Variants in SBF2 observed in about 807,000 individuals in gnomAD.
SBF2 encodes the protein SET binding factor 2, also known as myotubularin-related protein 13.
In SBF2, 112 loss-of-function variants were observed where a neutral mutation model predicts 225.2. The ratio of observed to expected loss-of-function variants is 0.50; its 90% CI spans 0.43 to 0.58. SBF2 has a LOEUF of 0.58. Ranked by LOEUF, SBF2 falls within the 20% of genes least tolerant of loss-of-function variation. The pLI, the probability that SBF2 is intolerant of heterozygous loss-of-function variation, is 0.00. For missense variants in SBF2, 1,996 were observed against 2,206.2 expected (o/e 0.90, Z 1.91); for synonymous variants, 763 against 773.3 (o/e 0.99, Z 0.22).
At chr11:10,220,941 C>T (rs1003071480) in intron 1 of SBF2, among the ~76,000 whole-genome samples, 19 of 152,266 alleles carry the variant, frequency 1.2e-4, no homozygotes, top group Admixed American at 8.5e-4. Flanking sequence ...AGATAAAACA[C>T]AGGAATCACC....
At chr11:10,304,402 G>T (rs772020292) in intron 1 of SBF2, among the ~76,000 whole-genome samples, 30 of 152,176 alleles carry the variant, frequency 2.0e-4, no homozygotes, top group Non-Finnish European at 1.3e-4. Flanking sequence ...AAATAGAAAT[G>T]AAAATTCTGA....
chr11:10,130,683 G>A (rs1953999953), intron 2 of SBF2, among the ~76,000 whole-genome samples: 1 of 152,030 alleles, frequency 6.6e-6, no homozygotes, highest in African/African-American at 2.4e-5. Context: ...CACTTTTATA[G>A]TTTCACCCAA....
rs1591381054 is a variant in SBF2 at position 10,294,066 on chromosome 11, C to T, written c.4G>A (p.Ala2Thr). ...ACGATGAAGTAGTCAGCCAGCCGGGCCATGGCCGCCGCCGCCGCGCTCGGG... is the reference window on the plus strand; with the variant it reads ...ACGATGAAGTAGTCAGCCAGCCGGGTCATGGCCGCCGCCGCCGCGCTCGGG... M[A>T]RLADYFIVVG... The change falls in exon 1 of 40, where the codon GCC becomes ACC. Residue 2 changes from alanine to threonine, a missense_variant. Ala to Thr is a moderately conservative substitution (Grantham distance 58). Coordinates refer to ENST00000256190, the MANE Select transcript of SBF2 (RefSeq NM_030962.4). 7.2e-6 allele frequency: 10 copies of T among 1,379,500 alleles called. No homozygotes were observed. Among genetic ancestry groups the T allele is most frequent in the East Asian group, 3.1e-5 (1 of 31,758 alleles). The allele number at this position is 1,379,500 out of a possible 1,614,324, so 85.5% of individuals were successfully genotyped here.
intron 30 of SBF2, among the ~76,000 whole-genome samples, chr11:9,812,235 G>A (rs1854229162): frequency 6.6e-6 from 1 of 152,050 alleles, no homozygotes; most frequent in Non-Finnish European, 1.5e-5. Flanking sequence ...AATACATGCT[G>A]ATTAAATTTA....
chr11:10,061,652 T>C (rs191031354), intron 2 of SBF2, among the ~76,000 whole-genome samples: 30 of 152,196 alleles, frequency 2.0e-4, no homozygotes, highest in Non-Finnish European at 2.9e-5. Context: ...GAAAGATCTC[T>C]ACAATGAGAA....
chr11:10,294,299 G>A, upstream of SBF2: 1 of 355,586 alleles, frequency 2.8e-6, no homozygotes, highest in Non-Finnish European at 5.0e-6. Context: ...CGGGCGGCGA[G>A]CCCACCTCCA....
intron 1 of SBF2, among the ~76,000 whole-genome samples, chr11:10,217,046 T>G (rs937590492): frequency 6.6e-6 from 1 of 152,148 alleles, no homozygotes; most frequent in African/African-American, 2.4e-5. Flanking sequence ...CCTTTCATAG[T>G]AGGTAATCAA....
intron 1 of SBF2, among the ~76,000 whole-genome samples, chr11:10,226,295 T>C (rs11042672): frequency 0.022 from 3,283 of 152,102 alleles, 91 homozygotes; most frequent in African/African-American, 0.065. Context: ...AAACAAAACA[T>C]GTTTTTTGCA....
chr11:9,787,837 G>A (rs1852475151), intron 35 of SBF2, 99 bp from the exon 36 acceptor site: 1 of 993,158 alleles, frequency 1.0e-6, no homozygotes, highest in Non-Finnish European at 1.6e-6. Flanking sequence ...TGAGCAGCAT[G>A]GCCAGAGGGC....
In SBF2 at chr11:10,064,453, T is replaced by G. The variant is rs189168822; in HGVS notation, c.142-21472A>C. Among the ~76,000 whole-genome samples the G allele has an allele frequency of 3.4e-3, 512 of 152,174 alleles. 4 individuals are homozygous for G. The highest frequency in any genetic ancestry group is 0.012 in the African/African-American group (487 of 41,528). ...GAATGAACAGAAAACAGTAAAATAA[T>G]AGATTCCAGCCTAACCATATTAGTC... is the stretch of plus-strand genomic sequence containing the variant. On this transcript the variant is annotated intron_variant, in intron 2 of 39. Coordinates refer to ENST00000256190, the MANE Select transcript of SBF2 (RefSeq NM_030962.4).
intron 6 of SBF2, among the ~76,000 whole-genome samples, chr11:10,019,910 C>T (rs1166049794): frequency 6.6e-6 from 1 of 151,918 alleles, no homozygotes; most frequent in Non-Finnish European, 1.5e-5. Flanking sequence ...TCATTTTTAC[C>T]TCTGGCATCT....
At chr11:10,127,813 G>T (rs1183475840) in intron 2 of SBF2, among the ~76,000 whole-genome samples, 1 of 152,108 alleles carries the variant, frequency 6.6e-6, no homozygotes, top group Non-Finnish European at 1.5e-5. Context: ...GTGGTTAAGA[G>T]CTCAAGATCT....
intron 30 of SBF2, among the ~76,000 whole-genome samples, chr11:9,809,701 C>T (rs1449101392): frequency 6.6e-6 from 1 of 151,974 alleles, no homozygotes; most frequent in Non-Finnish European, 1.5e-5. Context: ...CATACCAGTG[C>T]ACCCGGCTAA....
At chr11:10,259,891 CT>C (rs1049746575) in intron 1 of SBF2, among the ~76,000 whole-genome samples, 4 of 152,202 alleles carry the variant, frequency 2.6e-5, no homozygotes, top group African/African-American at 9.6e-5. Flanking sequence ...CTCTTGAGGA[CT>C]TTTAATAACA....
chr11:10,113,028 C>T (rs1332313216), intron 2 of SBF2, among the ~76,000 whole-genome samples: 1 of 152,086 alleles, frequency 6.6e-6, no homozygotes, highest in Non-Finnish European at 1.5e-5. Context: ...GGGTCTCACT[C>T]TGTTGCCCAG....
In SBF2 at chr11:9,994,577, C is replaced by CATATATATATATATATATATAT. The variant is rs377348270; in HGVS notation, c.976-580_976-579insATATATATATATATATATATAT. Reference sequence around the variant, plus strand: ...AATAAACCCTAAATCTATATATGTACATATATATATATATATGAAAATGAA... The same window carrying CATATATATATATATATATATAT: ...AATAAACCCTAAATCTATATATGTACATATATATATATATATATATATATATATATATATATATGAAAATGAA... On this transcript the variant is annotated intron_variant, in intron 9 of 39. Transcript: ENST00000256190. Among the ~76,000 whole-genome samples, 308 of 134,016 alleles carry CATATATATATATATATATATAT rather than the reference C, an allele frequency of 2.3e-3. 6 individuals are homozygous for CATATATATATATATATATATAT. Among genetic ancestry groups the CATATATATATATATATATATAT allele is most frequent in the African/African-American group, 6.6e-3 (227 of 34,622 alleles). 87.9% of individuals were successfully genotyped at this position (134,016 alleles called of 152,430 possible).
intron 16 of SBF2, among the ~76,000 whole-genome samples, chr11:9,939,342 C>T (rs367664529): frequency 6.6e-6 from 1 of 151,410 alleles, no homozygotes; most frequent in African/African-American, 2.4e-5. Flanking sequence ...GTGATCCGCC[C>T]ACCTTAGCCT....
chr11:9,856,324 C>A, intron 19 of SBF2, 134 bp downstream of exon 19: 1 of 1,158,814 alleles, frequency 8.6e-7, no homozygotes, highest in Non-Finnish European at 1.3e-6. Flanking sequence ...TGAGCAAGTC[C>A]AAAGGTGAGG....
chr11:10,032,203 T>C (rs1949286578), intron 3 of SBF2, among the ~76,000 whole-genome samples: 1 of 152,222 alleles, frequency 6.6e-6, no homozygotes, highest in South Asian at 2.1e-4. Flanking sequence ...CACTGGTTAA[T>C]AAACTTGACA....
Sources: allele counts gnomAD v4.1 joint callset (sites outside exome capture counted in the v4.1 genomes callset), GRCh38; gene constraint gnomAD v4.1.1; transcripts MANE v1.5; gene names NCBI Gene and HGNC (gene_info 2026-07-23, HGNC 2026-07-21).